LUZP1: variants seen among roughly 807,000 people sequenced by gnomAD.
LUZP1 encodes leucine zipper protein 1, also known as filamin mechanobinding actin cross-linking protein.
A neutral mutation model predicts 71.3 loss-of-function variants in LUZP1; 25 were observed. The ratio of observed to expected loss-of-function variants is 0.35; its 90% CI spans 0.26 to 0.49. The LOEUF (loss-of-function observed/expected upper bound fraction) is 0.49, where lower values mean the gene tolerates loss of function less well. LUZP1 is among the 20% of genes least tolerant of loss of function. The pLI is 0.99. For synonymous variants in LUZP1, 481 were observed against 506.4 expected, an observed-to-expected ratio of 0.95 and a Z score of 0.67; for missense variants, 1,142 against 1,300.8, an observed-to-expected ratio of 0.88 and a Z score of 1.88.
chr1:23,130,249 A>G (rs943340423), intron 2 of LUZP1, among the ~76,000 whole-genome samples: 20 of 152,280 alleles, frequency 1.3e-4, no homozygotes, highest in African/African-American at 4.8e-4. Context: ...CTTTGTTGAT[A>G]ACCTACTGAC....
chr1:23,123,352 C>T (rs1258538965), intron 2 of LUZP1, among the ~76,000 whole-genome samples: 1 of 151,940 alleles, frequency 6.6e-6, no homozygotes, highest in Non-Finnish European at 1.5e-5. Flanking sequence ...ATTAACCAGG[C>T]GTGGTGGTGC....
chr1:23,144,564 T>A (rs1644328374), intron 2 of LUZP1, among the ~76,000 whole-genome samples: 1 of 152,190 alleles, frequency 6.6e-6, no homozygotes, highest in African/African-American at 2.4e-5. Flanking sequence ...AGGTAAGCTG[T>A]CTTCCCAGTT....
intron 2 of LUZP1, among the ~76,000 whole-genome samples, chr1:23,131,763 G>A (rs914215253): frequency 3.3e-5 from 5 of 152,030 alleles, no homozygotes; most frequent in African/African-American, 7.2e-5. Flanking sequence ...TCGGCTCACC[G>A]CAACCTCCAC....
intron 2 of LUZP1, among the ~76,000 whole-genome samples, chr1:23,164,299 T>C (rs763122494): frequency 6.6e-6 from 1 of 152,012 alleles, no homozygotes; most frequent in African/African-American, 2.4e-5. Context: ...ATCGAGACCA[T>C]CCTGGCTAAC....
At chr1:23,113,688 T>C (rs1401626305) in intron 2 of LUZP1, among the ~76,000 whole-genome samples, 1 of 152,176 alleles carries the variant, frequency 6.6e-6, no homozygotes, top group Non-Finnish European at 1.5e-5. Flanking sequence ...GGGACCATTC[T>C]GACCAACATG....
chr1:23,098,409 G>A (rs1450708242), intron 3 of LUZP1, among the ~76,000 whole-genome samples: 2 of 152,186 alleles, frequency 1.3e-5, no homozygotes, highest in Non-Finnish European at 2.9e-5. Flanking sequence ...TGGAGGGACT[G>A]TAGTTATTGA....
At chr1:23,167,667 G>A (rs2148217641) in intron 2 of LUZP1, among the ~76,000 whole-genome samples, 1 of 152,352 alleles carries the variant, frequency 6.6e-6, no homozygotes, top group East Asian at 1.9e-4. Context: ...ATGCTCCAAA[G>A]CAAGATGGTC....
chr1:23,090,808 C>T, intron 4 of LUZP1: 1 of 712,922 alleles, frequency 1.4e-6, no homozygotes, highest in Non-Finnish European at 2.6e-6. Flanking sequence ...ACCGGGCCTC[C>T]TCCTGTTGCC....
chr1:23,169,127 G>C (rs1644535669), intron 1 of LUZP1: 1 of 152,406 alleles, frequency 6.6e-6, no homozygotes, highest in East Asian at 1.9e-4. Context: ...GGGAGGCTGA[G>C]GCGGACGGAT....
At chr1:23,117,477 C>CTCTCTCT (rs34248788) in intron 2 of LUZP1, among the ~76,000 whole-genome samples, 736 of 13,794 alleles carry the variant, frequency 0.053, 18 homozygotes, top group South Asian at 0.13. Flanking sequence ...CTCTCTCTCT[C>CTCTCTCT]CCCCCCCCCC....
At chr1:23,092,736 C>T (rs755167352) in exon 4 of LUZP1, 11 of 1,613,792 alleles carry the variant, frequency 6.8e-6, no homozygotes, top group Admixed American at 3.3e-5. Flanking sequence ...ACTAAACGTT[C>T]GTGTTGTCTT....
At chr1:23,087,478 C>T (rs1643783446) in exon 5 of LUZP1, 1 of 152,466 alleles carries the variant, frequency 6.6e-6, no homozygotes, top group Non-Finnish European at 1.5e-5. Context: ...TCCAAGAAGA[C>T]AATGACTCAC....
At chr1:23,119,233 G>A (rs540562517) in intron 2 of LUZP1, among the ~76,000 whole-genome samples, 89 of 141,108 alleles carry the variant, frequency 6.3e-4, no homozygotes, top group Non-Finnish European at 1.1e-3. Flanking sequence ...TTTTTTTAAC[G>A]ACCTGATGTG....
In LUZP1 at chr1:23,111,944, C is replaced by T. The variant is rs1190737625; in HGVS notation, c.-225-2817G>A. 2.0e-5 allele frequency among the ~76,000 whole-genome samples: 3 copies of T among 152,144 alleles called. No homozygotes were observed. In the East Asian group the frequency reaches 5.8e-4, roughly 29 times the overall value. On this transcript the variant is annotated intron_variant, in intron 2 of 4. Transcript: ENST00000302291. Reference sequence around the variant, plus strand: ...TCTGCAGCCCTAACAGTGATAGCAGCGCCCCTGCTAAAATCTACTGTCCCA... The same window carrying T: ...TCTGCAGCCCTAACAGTGATAGCAGTGCCCCTGCTAAAATCTACTGTCCCA...
chr1:23,102,111 GT>G (rs1023996548), intron 3 of LUZP1, among the ~76,000 whole-genome samples: 5 of 152,058 alleles, frequency 3.3e-5, no homozygotes, highest in African/African-American at 1.2e-4. Context: ...GTGCCTAAGG[GT>G]GGGGTCTGGG....
chr1:23,167,710 T>G (rs1448213194), intron 2 of LUZP1, among the ~76,000 whole-genome samples: 5 of 152,224 alleles, frequency 3.3e-5, no homozygotes, highest in Non-Finnish European at 7.3e-5. Context: ...TCCAAGGTTA[T>G]GCACAGAAAC....
At chr1:23,169,754 A>T (rs1644539181) in intron 1 of LUZP1, among the ~76,000 whole-genome samples, 1 of 152,194 alleles carries the variant, frequency 6.6e-6, no homozygotes, top group African/African-American at 2.4e-5. Flanking sequence ...CACCCAGCAT[A>T]GTACAGGACA....
At chr1:23,127,840 A>C (rs1246204178) in intron 2 of LUZP1, among the ~76,000 whole-genome samples, 6 of 152,160 alleles carry the variant, frequency 3.9e-5, no homozygotes, top group Non-Finnish European at 8.8e-5. Context: ...AGTTTTAAAA[A>C]GAAAAAAAGT....
chr1:23,104,638 G>C (rs763939157), intron 3 of LUZP1, among the ~76,000 whole-genome samples: 4 of 152,200 alleles, frequency 2.6e-5, no homozygotes, highest in Non-Finnish European at 5.9e-5. Flanking sequence ...GGCTCTGAGA[G>C]CAGGGACTGT....
Sources: allele counts gnomAD v4.1 joint callset (sites outside exome capture counted in the v4.1 genomes callset), GRCh38; gene constraint gnomAD v4.1.1; transcripts MANE v1.5; gene names NCBI Gene and HGNC (gene_info 2026-07-23, HGNC 2026-07-21).